LIPJ: variants seen among roughly 807,000 people sequenced by gnomAD.
LIPJ encodes lipase member J.
A neutral mutation model predicts 39.8 loss-of-function variants in LIPJ; 33 were observed. That is an observed-to-expected ratio of 0.83 (90% CI 0.63 to 1.11). LIPJ has a LOEUF of 1.11. Ranked by LOEUF, LIPJ falls within the 50% of genes least tolerant of loss-of-function variation. LIPJ has a pLI of 0.00. For missense variants in LIPJ, 422 were observed against 427.9 expected (o/e 0.99, Z 0.12); for synonymous variants, 128 against 139.2 (o/e 0.92, Z 0.57).
At chr10:88,590,721 G>C in intron 3 of LIPJ, 25 bp downstream of exon 3, 1 of 1,571,256 alleles carries the variant, frequency 6.4e-7, no homozygotes, top group South Asian at 1.1e-5. Flanking sequence ...AATAAATCTG[G>C]ACTGCTGAAA....
intron 9 of LIPJ, among the ~76,000 whole-genome samples, chr10:88,603,018 G>A (rs1851547376): frequency 6.6e-6 from 1 of 152,112 alleles, no homozygotes; most frequent in Non-Finnish European, 1.5e-5. Flanking sequence ...CTTGAACCCG[G>A]GAGGTGGAGG....
At chr10:88,606,085 T>C (rs907394965) in intron 10 of LIPJ, among the ~76,000 whole-genome samples, 12 of 152,144 alleles carry the variant, frequency 7.9e-5, no homozygotes, top group Non-Finnish European at 1.8e-4. Context: ...TAAGAAAACA[T>C]ATATAATAAT....
the LIPJ span, among the ~76,000 whole-genome samples, chr10:88,617,742 G>A: frequency 6.6e-6 from 1 of 152,208 alleles, no homozygotes; most frequent in African/African-American, 2.4e-5. Context: ...AGTTCTGGAA[G>A]CTTCAGAAAG....
intron 6 of LIPJ, 66 bp downstream of exon 6, chr10:88,594,842 T>A (rs967281674): frequency 5.6e-6 from 4 of 713,516 alleles, no homozygotes; most frequent in Admixed American, 5.8e-5. Flanking sequence ...ATATACTTCT[T>A]AAAGTTGTAG....
intron 2 of LIPJ, among the ~76,000 whole-genome samples, chr10:88,589,847 G>T (rs965409933): frequency 6.6e-6 from 1 of 151,658 alleles, no homozygotes; most frequent in Non-Finnish European, 1.5e-5. Context: ...CATTTTGTAG[G>T]CAGGGAAACT....
intron 8 of LIPJ, among the ~76,000 whole-genome samples, chr10:88,599,998 C>A (rs935209893): frequency 5.3e-5 from 8 of 151,752 alleles, no homozygotes; most frequent in African/African-American, 1.9e-4. Flanking sequence ...TTTTGTGTTT[C>A]TGAAATACAT....
intron 9 of LIPJ, 68 bp from the exon 10 acceptor site, chr10:88,605,565 T>G: frequency 9.3e-7 from 1 of 1,072,262 alleles, no homozygotes; most frequent in Non-Finnish European, 1.4e-6. Flanking sequence ...ATGCATTGCA[T>G]GCTTAACTTG....
At chr10:88,611,542 T>C (rs757545933), downstream of LIPJ, among the ~76,000 whole-genome samples, 6 of 152,154 alleles carry the variant, frequency 3.9e-5, no homozygotes, top group South Asian at 2.1e-4. Flanking sequence ...AGGAAAATTC[T>C]TAGTGAAATA....
Position 88,606,663 on chromosome 10 carries a change from T to C in LIPJ, c.868-11T>C, listed in dbSNP as rs1468779511. 5 of 1,545,688 alleles carry C rather than the reference T, an allele frequency of 3.2e-6. No individual in the cohort carries two copies. The highest frequency in any genetic ancestry group is 1.1e-5 in the South Asian group (1 of 87,948). ...CCTATGAAAACTATTTTTTCACTCA[T>C]TTATTTTCAGACAACGTCTCCATTA... On this transcript the variant is annotated splice_polypyrimidine_tract_variant and intron_variant, in intron 10 of 10. Coordinates refer to ENST00000371939, the Ensembl canonical transcript of LIPJ.
chr10:88,597,227 G>A (rs1378907931), intron 8 of LIPJ, among the ~76,000 whole-genome samples: 1 of 151,690 alleles, frequency 6.6e-6, no homozygotes, highest in Non-Finnish European at 1.5e-5. Flanking sequence ...AGTTTCCTGA[G>A]ACTTCTAAGA....
chr10:88,608,202 T>C (rs1288275586), downstream of LIPJ, among the ~76,000 whole-genome samples: 1 of 152,208 alleles, frequency 6.6e-6, no homozygotes, highest in African/African-American at 2.4e-5. Context: ...GAAGCACTTC[T>C]GAAGTTCACA....
chr10:88,622,985 AAAG>A, the LIPJ span, among the ~76,000 whole-genome samples: 1 of 152,176 alleles, frequency 6.6e-6, no homozygotes, highest in Admixed American at 6.6e-5. Context: ...ATAAAAATTA[AAAG>A]AATATTGAGA....
At chr10:88,605,559 A>G in intron 9 of LIPJ, 74 bp from the exon 10 acceptor site, 2 of 977,124 alleles carry the variant, frequency 2.0e-6, no homozygotes, top group South Asian at 2.6e-5. Flanking sequence ...GTATATATGC[A>G]TTGCATGCTT....
At chr10:88,591,149 T>C (rs1851067646) in intron 3 of LIPJ, among the ~76,000 whole-genome samples, 1 of 151,830 alleles carries the variant, frequency 6.6e-6, no homozygotes, top group Admixed American at 6.6e-5. Flanking sequence ...TGTTTGTTTA[T>C]TTATTTTATT....
chr10:88,607,232 C>A (rs1851694941), downstream of LIPJ, among the ~76,000 whole-genome samples: 1 of 151,908 alleles, frequency 6.6e-6, no homozygotes, highest in Admixed American at 6.6e-5. Context: ...CATGGAATTA[C>A]ATATATTATA....
chr10:88,613,770 G>GTATATATATATATATATATATA, the LIPJ span, among the ~76,000 whole-genome samples: 118 of 75,412 alleles, frequency 1.6e-3, 5 homozygotes, highest in Non-Finnish European at 2.3e-3. Flanking sequence ...ATGTGTGTGT[G>GTATATATATATATATATATATA]TATATATATA....
At chr10:88,605,450 C>A (rs529814606) in intron 9 of LIPJ, among the ~76,000 whole-genome samples, 183 bp from the exon 10 acceptor site, 1 of 152,094 alleles carries the variant, frequency 6.6e-6, no homozygotes, top group Non-Finnish European at 1.5e-5. Flanking sequence ...GATTCCCCTG[C>A]CCCCATCTCC....
At chr10:88,583,572 ACT>A (rs1318751426), upstream of LIPJ, 1 of 1,023,030 alleles carries the variant, frequency 9.8e-7, no homozygotes, top group Non-Finnish European at 1.2e-6. Flanking sequence ...TACTGCGATA[ACT>A]CTCATGCCTG....
At chr10:88,619,651 C>A in the LIPJ span, among the ~76,000 whole-genome samples, 1 of 151,802 alleles carries the variant, frequency 6.6e-6, no homozygotes, top group African/African-American at 2.4e-5. Flanking sequence ...GTCCTTAAAA[C>A]CTTTCCTCTT....
Sources: allele counts gnomAD v4.1 joint callset (sites outside exome capture counted in the v4.1 genomes callset), GRCh38; gene constraint gnomAD v4.1.1; transcripts MANE v1.5; gene names NCBI Gene and HGNC (gene_info 2026-07-23, HGNC 2026-07-21).